DLGAP1: variants seen among roughly 807,000 people sequenced by gnomAD.
DLGAP1 encodes the protein disks large-associated protein 1.
Under a neutral mutation model 90.8 loss-of-function variants are expected in DLGAP1, and 11 were observed. That is an observed-to-expected ratio of 0.12 (90% confidence interval 0.08 to 0.20). DLGAP1 has a LOEUF of 0.20. Among genes scored for constraint, DLGAP1 ranks in the 10% least tolerant of loss-of-function variants. The pLI is 1.00. For missense variants in DLGAP1, 1,050 were observed against 1,333.8 expected (o/e 0.79, Z 3.31); for synonymous variants, 558 against 540.7 (o/e 1.03, Z -0.44).
intron 7 of DLGAP1, among the ~76,000 whole-genome samples, chr18:3,650,705 TCC>T (rs1491428865): frequency 6.6e-6 from 1 of 151,990 alleles, no homozygotes. Flanking sequence ...AGGAAGGAAC[TCC>T]TTCTGGGAGA....
chr18:3,994,576 C>T (rs144849395), intron 3 of DLGAP1, among the ~76,000 whole-genome samples: 11 of 152,314 alleles, frequency 7.2e-5, no homozygotes, highest in African/African-American at 2.6e-4. Flanking sequence ...AACCTGGATG[C>T]TTGCCACTAT....
chr18:3,639,521 C>T (rs1320286945), intron 7 of DLGAP1, among the ~76,000 whole-genome samples: 1 of 152,084 alleles, frequency 6.6e-6, no homozygotes. Flanking sequence ...AGGGCATTGG[C>T]GGTCACGGGG....
intron 1 of DLGAP1, among the ~76,000 whole-genome samples, chr18:4,262,475 C>A (rs1386345509): frequency 6.6e-6 from 1 of 152,050 alleles, no homozygotes; most frequent in East Asian, 1.9e-4. Context: ...CACTGCGGGA[C>A]AAATAAAACA....
intron 1 of DLGAP1, among the ~76,000 whole-genome samples, chr18:4,223,483 GA>G (rs1468967958): frequency 6.6e-6 from 1 of 152,104 alleles, no homozygotes. Flanking sequence ...CACAACATTT[GA>G]ATAAGATGTG....
chr18:4,285,212 T>C (rs1568490727), intron 1 of DLGAP1, among the ~76,000 whole-genome samples: 1 of 152,146 alleles, frequency 6.6e-6, no homozygotes, highest in Non-Finnish European at 1.5e-5. Context: ...TATTAATGCT[T>C]TTTATGCAAG....
chr18:3,506,541 G>GAA (rs2050236405), intron 11 of DLGAP1, among the ~76,000 whole-genome samples: 1 of 133,428 alleles, frequency 7.5e-6, no homozygotes, highest in Admixed American at 8.2e-5. Flanking sequence ...AAAAAAAGTG[G>GAA]AACTCCATGT....
At chr18:3,601,441 T>G (rs564362214) in intron 7 of DLGAP1, among the ~76,000 whole-genome samples, 13 of 148,642 alleles carry the variant, frequency 8.7e-5, no homozygotes, top group South Asian at 6.4e-4. Flanking sequence ...TATGCAAGGG[T>G]GTGTGTGTGT....
intron 5 of DLGAP1, among the ~76,000 whole-genome samples, chr18:3,767,508 G>A (rs1000726392): frequency 2.0e-5 from 3 of 151,886 alleles, no homozygotes; most frequent in African/African-American, 7.3e-5. Context: ...TCAAAACATT[G>A]GCAAATAGAA....
chr18:3,904,691 T>C (rs1416952470), intron 3 of DLGAP1, among the ~76,000 whole-genome samples: 2 of 152,206 alleles, frequency 1.3e-5, no homozygotes, highest in African/African-American at 4.8e-5. Flanking sequence ...ACAGCCCTCA[T>C]AATTAAAGCA....
rs1173817359 is a variant in DLGAP1, at chr18:3,880,944, G to GAAA, written c.-72-807_-72-805dup. ...GGGGACAGAGCCAGACTCCATCTCA[G>GAAA]AAAAAAAAAAAAAAAAAAAAAAAGA... On this transcript the variant is annotated intron_variant, in intron 3 of 12. Coordinates refer to ENST00000315677, the MANE Select transcript of DLGAP1 (RefSeq NM_004746.4). Among the ~76,000 whole-genome samples the GAAA allele has an allele frequency of 7.3e-4, 28 of 38,340 alleles. 1 individual carries two copies. The highest frequency in any genetic ancestry group is 2.1e-3 in the African/African-American group (23 of 11,134). 25.2% of individuals were successfully genotyped at this position (38,340 alleles called of 152,430 possible). A position where few individuals can be genotyped will look rare whatever the true frequency, so the allele number is the denominator to read the frequency against.
chr18:4,037,455 T>C (rs1001690928), intron 2 of DLGAP1, among the ~76,000 whole-genome samples: 4 of 152,220 alleles, frequency 2.6e-5, no homozygotes, highest in African/African-American at 9.6e-5. Flanking sequence ...CTTGGTTAAA[T>C]CCACATTAAT....
At chr18:3,792,457 C>T (rs550185881) in intron 5 of DLGAP1, among the ~76,000 whole-genome samples, 3 of 149,432 alleles carry the variant, frequency 2.0e-5, no homozygotes, top group Non-Finnish European at 3.0e-5. Context: ...TGCACTCCAG[C>T]GAGACTCCAT....
chr18:3,697,137 A>G (rs536642703), intron 7 of DLGAP1, among the ~76,000 whole-genome samples: 45 of 152,178 alleles, frequency 3.0e-4, no homozygotes, highest in Non-Finnish European at 5.0e-4. Flanking sequence ...CTTTTCAAAA[A>G]ACCAGCTCCT....
chr18:4,343,001 G>C (rs894787082), intron 1 of DLGAP1, among the ~76,000 whole-genome samples: 3 of 152,048 alleles, frequency 2.0e-5, no homozygotes, highest in African/African-American at 7.2e-5. Flanking sequence ...CTAAATCATA[G>C]TTGAACACTA....
chr18:4,065,426 T>C (rs1313671058), intron 2 of DLGAP1, among the ~76,000 whole-genome samples: 2 of 152,160 alleles, frequency 1.3e-5, no homozygotes, highest in East Asian at 1.9e-4. Context: ...GAAAACCCCA[T>C]AGTCTCAGCC....
chr18:3,747,963 T>A (rs1283573965), intron 5 of DLGAP1, among the ~76,000 whole-genome samples: 4 of 152,216 alleles, frequency 2.6e-5, no homozygotes, highest in Admixed American at 2.6e-4. Flanking sequence ...AAATAGTGCA[T>A]CGATGACTTT....
intron 4 of DLGAP1, among the ~76,000 whole-genome samples, chr18:3,817,923 A>G (rs1048710370): frequency 6.6e-6 from 1 of 152,188 alleles, no homozygotes; most frequent in African/African-American, 2.4e-5. Context: ...CAGTTTCAGG[A>G]GCTGGAAGTC....
rs917039424 is a variant in DLGAP1 at position 4,326,123 on chromosome 18, T to C, written c.-267+128883A>G. 3.9e-5 allele frequency among the ~76,000 whole-genome samples: 6 copies of C among 152,078 alleles called. No individual in the cohort carries two copies. In the East Asian group the frequency reaches 1.2e-3, roughly 29 times the overall value. On this transcript the variant is annotated intron_variant, in intron 1 of 12. Transcript: ENST00000315677. ...TTGCAAACTATGGATCCCACGAAGA[T>C]CTAATATCCAGAATCTATAAGAAAC...
intron 3 of DLGAP1, among the ~76,000 whole-genome samples, chr18:3,936,422 T>C (rs2072642233): frequency 6.6e-6 from 1 of 152,194 alleles, no homozygotes; most frequent in Non-Finnish European, 1.5e-5. Context: ...TTCCTGTACC[T>C]TTACATTTTC....
Sources: allele counts gnomAD v4.1 joint callset (sites outside exome capture counted in the v4.1 genomes callset), GRCh38; gene constraint gnomAD v4.1.1; transcripts MANE v1.5; gene names NCBI Gene and HGNC (gene_info 2026-07-23, HGNC 2026-07-21).